FGF14: variants seen among roughly 807,000 people sequenced by gnomAD.
The protein encoded by FGF14 is fibroblast growth factor 14.
FGF14 carries 5 observed loss-of-function variants against 25.5 expected under a neutral mutation model. The observed-to-expected ratio is 0.20, with a 90% confidence interval of 0.10 to 0.41. The LOEUF (loss-of-function observed/expected upper bound fraction) is 0.41. Ranked by LOEUF, FGF14 falls within the 10% of genes least tolerant of loss-of-function variation. FGF14 has a pLI of 1.00. For missense variants in FGF14, 222 were observed against 320.1 expected (o/e 0.69, Z 2.34); for synonymous variants, 138 against 118.3 (o/e 1.17, Z -1.08).
chr13:102,025,810 G>T lies in FGF14; in HGVS notation c.209-150514C>A, dbSNP rs563271994. On this transcript the variant is annotated intron_variant, in intron 1 of 4. Transcript: ENST00000376131. ...TTCACTTTCAGATTTTTCATTGTTA[G>T]TATATAGAAATACAATTGATTGTTC... Among the ~76,000 whole-genome samples, 11 of 152,102 alleles carry T rather than the reference G, an allele frequency of 7.2e-5. No homozygotes were observed. The East Asian group carries it at 2.1e-3, about 30-fold the overall frequency.
intron 1 of FGF14, among the ~76,000 whole-genome samples, chr13:101,876,979 T>G (rs904716840): frequency 6.6e-6 from 1 of 152,152 alleles, no homozygotes; most frequent in African/African-American, 2.4e-5. Context: ...AGAGAATTTT[T>G]TATTATTCTC....
At chr13:102,165,822 T>C (rs2047981997) in intron 1 of FGF14, among the ~76,000 whole-genome samples, 2 of 149,714 alleles carry the variant, frequency 1.3e-5, no homozygotes, top group Admixed American at 1.3e-4. Context: ...ATAATAATAA[T>C]AATAATAAAA....
chr13:101,907,723 G>T (rs1370774264), intron 1 of FGF14, among the ~76,000 whole-genome samples: 1 of 152,092 alleles, frequency 6.6e-6, no homozygotes, highest in Non-Finnish European at 1.5e-5. Flanking sequence ...TTAACATGGG[G>T]TAATTATTTA....
intron 3 of FGF14, among the ~76,000 whole-genome samples, chr13:101,793,592 C>G (rs1269040904): frequency 2.0e-5 from 3 of 151,994 alleles, no homozygotes; most frequent in Non-Finnish European, 2.9e-5. Context: ...TAGGTAAATA[C>G]CCAGAAAAGG....
At position 102,249,549 on chromosome 13, in the gene FGF14, GGTGTGT is replaced by G. The variant is rs55773652; in HGVS notation, c.208+151916_208+151921del. On this transcript the variant is annotated intron_variant, in intron 1 of 4. Coordinates refer to the FGF14 transcript ENST00000376131. The stretch of plus-strand genomic sequence containing the variant: ...AGAATTATGGTATGGTACTGAGAGG[GGTGTGT>G]GTGTGTGTGTGTGTGTGTGTGTACG... 2.0e-4 allele frequency among the ~76,000 whole-genome samples: 30 copies of G among 150,368 alleles called. No homozygotes were observed. The East Asian group carries it at 2.0e-3, about 10-fold the overall frequency.
At chr13:102,157,515 T>G (rs976036237) in intron 1 of FGF14, among the ~76,000 whole-genome samples, 14 of 152,238 alleles carry the variant, frequency 9.2e-5, no homozygotes, top group Admixed American at 1.3e-4. Flanking sequence ...ATTCAAGATG[T>G]ATTAAAGACT....
chr13:102,350,357 G>A (rs374888366), intron 1 of FGF14, among the ~76,000 whole-genome samples: 53 of 148,822 alleles, frequency 3.6e-4, no homozygotes, highest in African/African-American at 1.2e-3. Flanking sequence ...CTAGGTGACA[G>A]AGTGAAACCC....
chr13:101,751,352 G>T (rs935738234), intron 3 of FGF14, among the ~76,000 whole-genome samples: 2 of 152,096 alleles, frequency 1.3e-5, no homozygotes, highest in Non-Finnish European at 2.9e-5. Context: ...TATCTGTAAA[G>T]CTAAAACTGC....
At chr13:101,956,005 G>A (rs1367705324) in intron 1 of FGF14, among the ~76,000 whole-genome samples, 8 of 152,234 alleles carry the variant, frequency 5.3e-5, no homozygotes, top group African/African-American at 1.7e-4. Context: ...TATTTGGCAA[G>A]TTGGTTCACT....
At chr13:102,349,543 C>T (rs149590010) in intron 1 of FGF14, among the ~76,000 whole-genome samples, 123 of 152,236 alleles carry the variant, frequency 8.1e-4, no homozygotes, top group Admixed American at 1.2e-3. Context: ...AGAGAGTTTC[C>T]ATAATAATGC....
intron 1 of FGF14, among the ~76,000 whole-genome samples, chr13:101,928,692 G>A (rs780442685): frequency 3.9e-5 from 6 of 152,148 alleles, no homozygotes; most frequent in Non-Finnish European, 7.4e-5. Flanking sequence ...CTAAGCTCAC[G>A]GCTAACTGGC....
chr13:101,759,226 C>A (rs73568269), intron 3 of FGF14, among the ~76,000 whole-genome samples: 1 of 152,138 alleles, frequency 6.6e-6, no homozygotes, highest in East Asian at 1.9e-4. Flanking sequence ...AATTAGGGAA[C>A]CGTAGATGAT....
At chr13:102,295,701 C>T (rs1030079064) in intron 1 of FGF14, among the ~76,000 whole-genome samples, 2 of 152,168 alleles carry the variant, frequency 1.3e-5, no homozygotes, top group Non-Finnish European at 2.9e-5. Context: ...TTTTTCACAG[C>T]ACCACATTGC....
At chr13:101,919,620 C>T (rs1248561477), upstream of FGF14, among the ~76,000 whole-genome samples, 1 of 152,020 alleles carries the variant, frequency 6.6e-6, no homozygotes, top group East Asian at 1.9e-4. Context: ...GCCTGACATT[C>T]AGCACCGCGG....
intron 1 of FGF14, among the ~76,000 whole-genome samples, chr13:102,059,911 A>G (rs1481549322): frequency 6.6e-6 from 1 of 151,306 alleles, no homozygotes; most frequent in East Asian, 1.9e-4. Context: ...AACAAAACAA[A>G]CAAACAAACA....
At position 102,312,222 on chromosome 13, in the gene FGF14, C is replaced by CAAA. The variant is rs34575465; in HGVS notation, c.208+89246_208+89248dup. On this transcript the variant is annotated intron_variant, in intron 1 of 4. Transcript: ENST00000376131. ...TAATGAACAAGTACAAGACCTAAAC[C>CAAA]AAAAAAAAAAAAAAAAAGGCAAACT... 4.7e-3 allele frequency among the ~76,000 whole-genome samples: 457 copies of CAAA among 96,922 alleles called. 3 individuals carry two copies. Among genetic ancestry groups the CAAA allele is most frequent in the African/African-American group, 0.015 (425 of 28,246 alleles). The allele number at this position is 96,922 out of a possible 152,430, so 63.6% of individuals were successfully genotyped here. A position where few individuals can be genotyped will look rare whatever the true frequency, so the allele number is the denominator to read the frequency against.
intron 1 of FGF14, among the ~76,000 whole-genome samples, chr13:102,024,219 T>C (rs914758310): frequency 1.3e-5 from 2 of 152,226 alleles, no homozygotes; most frequent in East Asian, 1.9e-4. Context: ...CCAAAGTGTC[T>C]GTACCATTTT....
chr13:101,962,931 G>C (rs1192305101), intron 1 of FGF14, among the ~76,000 whole-genome samples: 1 of 152,212 alleles, frequency 6.6e-6, no homozygotes, highest in Non-Finnish European at 1.5e-5. Context: ...ATGGGAAGTG[G>C]AATTGAGTGT....
chr13:101,919,369 ATGAC>A (rs2033824487), upstream of FGF14, among the ~76,000 whole-genome samples: 1 of 151,724 alleles, frequency 6.6e-6, no homozygotes, highest in East Asian at 1.9e-4. Flanking sequence ...TAAATCTAGT[ATGAC>A]TTCCCCAACA....
Sources: allele counts gnomAD v4.1 joint callset (sites outside exome capture counted in the v4.1 genomes callset), GRCh38; gene constraint gnomAD v4.1.1; transcripts MANE v1.5; gene names NCBI Gene and HGNC (gene_info 2026-07-23, HGNC 2026-07-21).